ADD1: variants seen among roughly 807,000 people sequenced by gnomAD.
The protein encoded by ADD1 is adducin 1.
In ADD1, 24 loss-of-function variants were observed where a neutral mutation model predicts 80.5. That is an observed-to-expected ratio of 0.30 (90% CI 0.22 to 0.42). The LOEUF is 0.42. Ranked by LOEUF, ADD1 falls within the 10% of genes least tolerant of loss-of-function variation. The pLI, the probability that ADD1 is intolerant of heterozygous loss-of-function variation, is 1.00. For synonymous variants in ADD1, 373 were observed against 393.8 expected, an observed-to-expected ratio of 0.95 and a Z score of 0.63; for missense variants, 948 against 1,019.0, an observed-to-expected ratio of 0.93 and a Z score of 0.95.
intron 12 of ADD1, chr4:2,908,815 C>T: frequency 3.4e-6 from 2 of 585,890 alleles, no homozygotes; most frequent in Non-Finnish European, 6.1e-6. Context: ...GTCCACCCCT[C>T]TGGTCATGCC....
At chr4:2,885,498 G>T (rs1733111140) in intron 4 of ADD1, among the ~76,000 whole-genome samples, 2 of 152,044 alleles carry the variant, frequency 1.3e-5, no homozygotes, top group Non-Finnish European at 2.9e-5. Context: ...GAAAAAATGG[G>T]TACCCTTACT....
At chr4:2,873,632 G>A (rs1730802486) in intron 1 of ADD1, among the ~76,000 whole-genome samples, 1 of 152,148 alleles carries the variant, frequency 6.6e-6, no homozygotes, top group South Asian at 2.1e-4. Flanking sequence ...AATAGCTATA[G>A]TTACCTCTAA....
At chr4:2,883,790 G>C (rs1448869690) in intron 3 of ADD1, among the ~76,000 whole-genome samples, 1 of 152,028 alleles carries the variant, frequency 6.6e-6, no homozygotes, top group Non-Finnish European at 1.5e-5. Flanking sequence ...TCCTGCCTCA[G>C]CCTCCCAAGT....
intron 4 of ADD1, 32 bp downstream of exon 4, chr4:2,884,698 TAAATG>T: frequency 6.5e-7 from 1 of 1,544,474 alleles, no homozygotes; most frequent in African/African-American, 1.4e-5. Context: ...AACTGAACGA[TAAATG>T]AAATATTTTG....
chr4:2,916,288 T>C (rs1335977741), intron 14 of ADD1, among the ~76,000 whole-genome samples: 7 of 151,700 alleles, frequency 4.6e-5, no homozygotes, highest in Admixed American at 1.3e-4. Flanking sequence ...CTCCGCCTCC[T>C]GGGTTCAAGC....
intron 4 of ADD1, among the ~76,000 whole-genome samples, chr4:2,886,633 C>T (rs555641446): frequency 1.6e-4 from 24 of 152,098 alleles, no homozygotes; most frequent in Middle Eastern, 6.8e-3. Flanking sequence ...CCCCAGGACC[C>T]GTGGCAAAGA....
At chr4:2,888,497 C>T (rs1195298821) in intron 4 of ADD1, among the ~76,000 whole-genome samples, 1 of 151,696 alleles carries the variant, frequency 6.6e-6, no homozygotes, top group African/African-American at 2.4e-5. Context: ...GCTCACTCAA[C>T]CTCTACCTTC....
At chr4:2,927,692 G>A (rs985593313) in intron 15 of ADD1, among the ~76,000 whole-genome samples, 5 of 152,172 alleles carry the variant, frequency 3.3e-5, no homozygotes, top group Non-Finnish European at 4.4e-5. Flanking sequence ...GGATGTTGAC[G>A]TCACACAACG....
At position 2,897,200 on chromosome 4, in the gene ADD1, A is replaced by G. The variant is rs75179468; in HGVS notation, c.742-984A>G. ...TGGAATTGATAAAGATAGTTTTTGAATCTTTGAAGCCTGTTACTTTAGGGT... is the reference window on the plus strand; with the variant it reads ...TGGAATTGATAAAGATAGTTTTTGAGTCTTTGAAGCCTGTTACTTTAGGGT... On this transcript the variant is annotated intron_variant, in intron 6 of 15. Transcript: ENST00000683351. Among the ~76,000 whole-genome samples the G allele has an allele frequency of 1.6e-3, 236 of 152,066 alleles. 2 individuals carry two copies. Among genetic ancestry groups the G allele is most frequent in the African/African-American group, 5.2e-3 (215 of 41,522 alleles).
intron 14 of ADD1, among the ~76,000 whole-genome samples, chr4:2,915,244 T>C (rs73082351): frequency 0.026 from 3,891 of 152,310 alleles, 154 homozygotes; most frequent in African/African-American, 0.086. Context: ...CAGTGGTTCA[T>C]GCCTTTAATC....
chr4:2,890,063 GGC>G (rs1210083902), intron 4 of ADD1, among the ~76,000 whole-genome samples: 19 of 151,626 alleles, frequency 1.3e-4, no homozygotes, highest in Non-Finnish European at 2.6e-4. Flanking sequence ...CAGGCGTGGT[GGC>G]GCGCACCTGT....
chr4:2,906,817 G>A (rs1308307191), intron 10 of ADD1, among the ~76,000 whole-genome samples: 1 of 152,116 alleles, frequency 6.6e-6, no homozygotes, highest in Non-Finnish European at 1.5e-5. Context: ...CACTCTCCTC[G>A]CAGTGGCTCA....
chr4:2,928,412 C>T lies in ADD1; in HGVS notation c.2289C>T (p.Ala763=), dbSNP rs533175022. 2.7e-5 allele frequency: 44 copies of T among 1,613,246 alleles called. No individual in the cohort carries two copies. The highest frequency in any genetic ancestry group is 2.1e-4 in the South Asian group (19 of 91,066). The change falls in exon 16 of 16, where the codon GCC becomes GCT. Residue 763 remains alanine (A), a synonymous_variant. Coordinates refer to ENST00000683351, the MANE Select transcript of ADD1 (RefSeq NM_001354761.2). ...EAAPSAVEEG[A]AADPGSDGSP... ...CCCCCTCAGCTGTCGAGGAGGGGGC[C>T]GCCGCGGACCCTGGCAGCGATGGGT...
At chr4:2,872,078 G>T (rs1730542011) in intron 1 of ADD1, among the ~76,000 whole-genome samples, 1 of 152,164 alleles carries the variant, frequency 6.6e-6, no homozygotes, top group African/African-American at 2.4e-5. Flanking sequence ...CAATTAGGAG[G>T]CCGTTGAGTG....
chr4:2,904,580 T>G, intron 9 of ADD1, 184 bp from the exon 10 acceptor site: 4 of 619,450 alleles, frequency 6.5e-6, no homozygotes, highest in East Asian at 2.8e-5. Context: ...GCTGTCCACA[T>G]TTTAGTACCT....
rs1577772812 is a variant in ADD1, at chr4:2,928,168, T to C, written c.2048-3T>C. ...TAATCCCATCTCTCACCTCACCCAC[T>C]AGACCTTGTGCCGGAGCCGACTACT... On this transcript the variant is annotated splice_polypyrimidine_tract_variant and splice_region_variant and intron_variant, in intron 15 of 15. Transcript: ENST00000683351. The C allele has an allele frequency of 3.7e-6, 6 of 1,613,910 alleles. No homozygotes were observed. Among genetic ancestry groups the C allele is most frequent in the Non-Finnish European group, 5.1e-6 (6 of 1,179,882 alleles).
chr4:2,916,500 A>AT (rs1739099572), intron 14 of ADD1, among the ~76,000 whole-genome samples: 1 of 151,898 alleles, frequency 6.6e-6, no homozygotes, highest in Non-Finnish European at 1.5e-5. Flanking sequence ...GGCCCTGAAT[A>AT]TTATTTTTAA....
chr4:2,912,605 C>T (rs958780869), intron 13 of ADD1, among the ~76,000 whole-genome samples: 1 of 152,214 alleles, frequency 6.6e-6, no homozygotes, highest in Non-Finnish European at 1.5e-5. Context: ...CAGCTCACTG[C>T]AGCCTCGACC....
chr4:2,877,015 A>AG, intron 2 of ADD1, among the ~76,000 whole-genome samples: 1 of 152,150 alleles, frequency 6.6e-6, no homozygotes, highest in East Asian at 1.9e-4. Context: ...AAAAAAAAAA[A>AG]AAAACCCTAG....
Sources: gnomAD v4.1 joint callset for allele counts (sites outside exome capture counted in the v4.1 genomes callset) on GRCh38, gnomAD v4.1.1 for gene constraint, MANE v1.5 for transcripts, NCBI Gene and HGNC (gene_info 2026-07-23, HGNC 2026-07-21) for gene names.